AKIRIN2: variants seen among roughly 807,000 people sequenced by gnomAD.
AKIRIN2 encodes akirin 2.
A neutral mutation model predicts 29.3 loss-of-function variants in AKIRIN2; 6 were observed. The observed-to-expected ratio is 0.20, with a 90% confidence interval of 0.11 to 0.40. AKIRIN2 has a LOEUF of 0.40. Ranked by LOEUF, AKIRIN2 falls within the 10% of genes least tolerant of loss-of-function variation. The pLI, the probability that AKIRIN2 is intolerant of heterozygous loss-of-function variation, is 1.00. For missense variants in AKIRIN2, 210 were observed against 276.1 expected, an observed-to-expected ratio of 0.76 and a Z score of 1.70; for synonymous variants, 128 against 117.5, an observed-to-expected ratio of 1.09 and a Z score of -0.58.
chr6:87,687,553 A>G (rs1045877915), intron 1 of AKIRIN2, among the ~76,000 whole-genome samples: 2 of 151,812 alleles, frequency 1.3e-5, no homozygotes, highest in African/African-American at 2.4e-5. Flanking sequence ...GTTCTCCTTG[A>G]TTGAATCTTA....
At position 87,677,902 on chromosome 6, in the gene AKIRIN2, C is replaced by T; in HGVS notation, c.445G>A (p.Gly149Arg). The change falls in exon 3 of 5, where the codon GGG becomes AGG. Residue 149 changes from glycine to arginine, a missense_variant. Gly to Arg is a moderately radical substitution (Grantham distance 125, BLOSUM62 -2). Transcript: ENST00000257787. ...EQPLFTLRQV[G>R]MICERLLKER... ...TTCAACAAACGTTCACAGATCATCC[C>T]AACCTGCCGTAGAGTAAATAAGGGC... The T allele has an allele frequency of 6.2e-7, 1 of 1,614,006 alleles. No individual in the cohort carries two copies. Among genetic ancestry groups the T allele is most frequent in the Non-Finnish European group, 8.5e-7 (1 of 1,179,964 alleles).
rs1491487331 is a variant in AKIRIN2 at position 87,680,771 on chromosome 6, CCT to C, written c.379+847_379+848del. ...AGTAGCCCTTATTCCCCGCCCCCCC[CCT>C]TTTTTTTTTTTTTAAAAAAAAGGAA... On this transcript the variant is annotated intron_variant, in intron 2 of 4. Transcript: ENST00000257787. Among the ~76,000 whole-genome samples the C allele has an allele frequency of 9.3e-3, 815 of 87,734 alleles. 12 individuals carry two copies. The highest frequency in any genetic ancestry group is 0.029 in the African/African-American group (546 of 18,626). The allele number at this position is 87,734 out of a possible 152,430, so 57.6% of individuals were successfully genotyped here.
At chr6:87,679,966 G>C (rs1453879289) in intron 2 of AKIRIN2, among the ~76,000 whole-genome samples, 1 of 152,212 alleles carries the variant, frequency 6.6e-6, no homozygotes, top group African/African-American at 2.4e-5. Flanking sequence ...GCAGGAGCTA[G>C]TTAACTATGC....
chr6:87,699,912 T>A (rs570340851), intron 1 of AKIRIN2, among the ~76,000 whole-genome samples: 2 of 152,348 alleles, frequency 1.3e-5, no homozygotes, highest in African/African-American at 4.8e-5. Context: ...ATGACCTTAT[T>A]TTGAAATGGC....
intron 1 of AKIRIN2, among the ~76,000 whole-genome samples, chr6:87,687,898 C>G (rs1449339613): frequency 2.0e-5 from 3 of 152,164 alleles, no homozygotes; most frequent in African/African-American, 7.2e-5. Context: ...AAGGCCGAGG[C>G]AGGAGGATCA....
chr6:87,675,498 T>G lies in AKIRIN2; in HGVS notation c.*99A>C. 3 of 1,518,310 alleles carry G rather than the reference T, an allele frequency of 2.0e-6. No homozygotes were observed. The highest frequency in any genetic ancestry group is 2.7e-6 in the Non-Finnish European group (3 of 1,096,034). 94.1% of individuals were successfully genotyped at this position (1,518,310 alleles called of 1,614,324 possible). ...TGACGAAAGCTTGAAATAACCTGTA[T>G]TCACAGAAGGGGTATTGGCATTGCT... On this transcript the variant is annotated 3_prime_UTR_variant, in exon 5 of 5. Coordinates refer to ENST00000257787, the MANE Select transcript of AKIRIN2 (RefSeq NM_018064.4).
intron 3 of AKIRIN2, 44 bp downstream of exon 3, chr6:87,677,774 A>G (rs1771046874): frequency 6.3e-7 from 1 of 1,584,366 alleles, no homozygotes; most frequent in Admixed American, 1.7e-5. Context: ...AATGCATTTC[A>G]CACAACTGAG....
rs199937686 is a variant in AKIRIN2 at position 87,691,438 on chromosome 6, C to CT, written c.236-9676dup. ...CCTGGGAAACAGGGCAAAACCTCAT[C>CT]TTAAAAAAAAAAAAAAAAAAAAAAA... On this transcript the variant is annotated intron_variant, in intron 1 of 4. Transcript: ENST00000257787. Among the ~76,000 whole-genome samples, 392 of 87,526 alleles carry CT rather than the reference C, an allele frequency of 4.5e-3. 13 individuals are homozygous for CT. The East Asian group carries it at 0.054, about 12-fold the overall frequency. The allele number at this position is 87,526 out of a possible 152,430, so 57.4% of individuals were successfully genotyped here.
chr6:87,691,793 G>A (rs1418424050), intron 1 of AKIRIN2, among the ~76,000 whole-genome samples: 10 of 152,252 alleles, frequency 6.6e-5, no homozygotes, highest in African/African-American at 1.9e-4. Context: ...TGTCATGGAA[G>A]TCACTGATGA....
chr6:87,694,385 T>C (rs1324989321), intron 1 of AKIRIN2, among the ~76,000 whole-genome samples: 2 of 152,210 alleles, frequency 1.3e-5, no homozygotes, highest in African/African-American at 4.8e-5. Context: ...ATAGGTATAC[T>C]GATAAAGCAT....
chr6:87,702,102 G>A lies in AKIRIN2; in HGVS notation c.-418C>T, dbSNP rs1208559938. The A allele has an allele frequency of 5.0e-6, 2 of 399,092 alleles. No homozygotes were observed. The highest frequency in any genetic ancestry group is 4.4e-5 in the Admixed American group (1 of 22,726). 24.7% of individuals were successfully genotyped at this position (399,092 alleles called of 1,614,324 possible). A position where few individuals can be genotyped will look rare whatever the true frequency, so the allele number is the denominator to read the frequency against. ...GCACCGTGGGGTGTGAGGCTGGAACGCGGCTCCTAATACGCCCGAGTACGG... is the reference window on the plus strand; with the variant it reads ...GCACCGTGGGGTGTGAGGCTGGAACACGGCTCCTAATACGCCCGAGTACGG... On this transcript the variant is annotated 5_prime_UTR_variant, in exon 1 of 5. Transcript: ENST00000257787.
chr6:87,681,183 G>A (rs760840607), intron 2 of AKIRIN2, among the ~76,000 whole-genome samples: 7 of 152,016 alleles, frequency 4.6e-5, no homozygotes, highest in South Asian at 4.1e-4. Context: ...GACTACAGGC[G>A]CGTGCCACCA....
intron 1 of AKIRIN2, 126 bp downstream of exon 1, chr6:87,701,324 T>C (rs1771460502): frequency 5.1e-6 from 5 of 986,766 alleles, no homozygotes; most frequent in South Asian, 1.8e-5. Flanking sequence ...GTGGCTGCCC[T>C]ACTACTTTGC....
intron 1 of AKIRIN2, among the ~76,000 whole-genome samples, chr6:87,694,827 A>C (rs1046028963): frequency 3.9e-5 from 6 of 152,336 alleles, no homozygotes; most frequent in African/African-American, 1.4e-4. Flanking sequence ...TATTACAAAA[A>C]TTGTTATACT....
At chr6:87,676,537 A>C (rs1055380877) in intron 3 of AKIRIN2, among the ~76,000 whole-genome samples, 1 of 149,996 alleles carries the variant, frequency 6.7e-6, no homozygotes, top group African/African-American at 2.5e-5. Context: ...CGGGCACATC[A>C]TGAGGTCAGA....
At chr6:87,688,957 T>C in intron 1 of AKIRIN2, among the ~76,000 whole-genome samples, 1 of 152,344 alleles carries the variant, frequency 6.6e-6, no homozygotes, top group East Asian at 1.9e-4. Context: ...TTCAAATAAG[T>C]AGCACTAGCT....
intron 1 of AKIRIN2, among the ~76,000 whole-genome samples, chr6:87,682,891 G>T (rs1771139984): frequency 6.6e-6 from 1 of 152,064 alleles, no homozygotes; most frequent in South Asian, 2.1e-4. Flanking sequence ...AAGAGTTCGA[G>T]ACCAGCCTGG....
Position 87,681,724 on chromosome 6 carries a change from A to G in AKIRIN2, c.275T>C (p.Met92Thr), listed in dbSNP as rs779115184. ...CGTTTCTAAATGTCTTCTCTTCTGC[A>G]TTCGTTTATACTCTTGTTTTATGTT... ...LYNIKQEYKRMQKRRHLETSF... is the reference protein window; with the variant it reads ...LYNIKQEYKRTQKRRHLETSF... The change falls in exon 2 of 5, where the codon ATG becomes ACG. Residue 92 changes from methionine (M) to threonine (T), a missense_variant. Coordinates refer to ENST00000257787, the MANE Select transcript of AKIRIN2 (RefSeq NM_018064.4). 1.2e-6 allele frequency: 2 copies of G among 1,611,250 alleles called. No homozygotes were observed. The highest frequency in any genetic ancestry group is 2.2e-5 in the East Asian group (1 of 44,818).
At position 87,675,460 on chromosome 6, in the gene AKIRIN2, G is replaced by C. The variant is rs1297018876; in HGVS notation, c.*137C>G. On this transcript the variant is annotated 3_prime_UTR_variant, in exon 5 of 5. Transcript: ENST00000257787. ...TCCAAAACCAGTTGCTGCTGCCTAA[G>C]AGTGGTTGCCACTGACGAAAGCTTG... 9 of 1,225,280 alleles carry C rather than the reference G, an allele frequency of 7.3e-6. No homozygotes were observed. The highest frequency in any genetic ancestry group is 3.0e-5 in the African/African-American group (2 of 66,234). 75.9% of individuals were successfully genotyped at this position (1,225,280 alleles called of 1,614,324 possible).
Sources: allele counts gnomAD v4.1 joint callset (sites outside exome capture counted in the v4.1 genomes callset), GRCh38; gene constraint gnomAD v4.1.1; transcripts MANE v1.5; gene names NCBI Gene and HGNC (gene_info 2026-07-23, HGNC 2026-07-21).